ANKS1A: variants seen among roughly 807,000 people sequenced by gnomAD.
The protein encoded by ANKS1A is ankyrin repeat and SAM domain-containing protein 1A.
ANKS1A carries 55 observed loss-of-function variants against 120.3 expected under a neutral mutation model. The observed-to-expected ratio is 0.46, with a 90% CI of 0.37 to 0.57. The LOEUF (loss-of-function observed/expected upper bound fraction) is 0.57. ANKS1A is among the 20% of genes least tolerant of loss of function. ANKS1A has a pLI of 0.00. For synonymous variants in ANKS1A, 590 were observed against 604.7 expected (o/e 0.98, Z 0.36); for missense variants, 1,123 against 1,480.3 (o/e 0.76, Z 3.96).
chr6:34,983,442 C>G lies in ANKS1A; in HGVS notation c.1012+17C>G, dbSNP rs775905379. 1 of 1,595,922 alleles carries G rather than the reference C, an allele frequency of 6.3e-7. No individual in the cohort carries two copies. Among genetic ancestry groups the G allele is most frequent in the Non-Finnish European group, 8.6e-7 (1 of 1,167,754 alleles). On this transcript the variant is annotated intron_variant, in intron 7 of 23. Transcript: ENST00000360359. ...AGTCTCAGGGTAAGGTAACTCTCCC[C>G]TATGAGTAAAGGGGTGCTCAGCTTG...
intron 1 of ANKS1A, among the ~76,000 whole-genome samples, chr6:34,926,239 A>G (rs754888394): frequency 3.2e-4 from 49 of 152,128 alleles, no homozygotes; most frequent in Non-Finnish European, 5.9e-4. Context: ...AAGGATGCTC[A>G]CCTGTGAGAA....
rs1050166672 is a variant in ANKS1A, at chr6:34,983,044, A to C, written c.809-69A>C. ...GCTGCTGACAGCCTTAAATGTCCTAAAATTTGACCCTTTTGGAGGCTGGCT... is the reference window on the plus strand; with the variant it reads ...GCTGCTGACAGCCTTAAATGTCCTACAATTTGACCCTTTTGGAGGCTGGCT... On this transcript the variant is annotated intron_variant, in intron 5 of 23. Transcript: ENST00000360359. 33 of 1,488,822 alleles carry C rather than the reference A, an allele frequency of 2.2e-5. No homozygotes were observed. The Admixed American group carries it at 2.3e-4, about 10-fold the overall frequency. 92.2% of individuals were successfully genotyped at this position (1,488,822 alleles called of 1,614,324 possible). A position where few individuals can be genotyped will look rare whatever the true frequency, so the allele number is the denominator to read the frequency against.
chr6:35,042,055 G>C (rs1401861102), intron 11 of ANKS1A, among the ~76,000 whole-genome samples: 1 of 152,182 alleles, frequency 6.6e-6, no homozygotes, highest in East Asian at 1.9e-4. Flanking sequence ...ATCCCAGGAA[G>C]GGCATTTTCT....
chr6:34,946,752 C>T (rs1451276826), intron 1 of ANKS1A, among the ~76,000 whole-genome samples: 1 of 152,162 alleles, frequency 6.6e-6, no homozygotes, highest in African/African-American at 2.4e-5. Context: ...ATTGCTGTAC[C>T]TGCATATGCA....
chr6:35,067,995 C>T (rs866382540), intron 13 of ANKS1A, among the ~76,000 whole-genome samples: 4 of 149,326 alleles, frequency 2.7e-5, no homozygotes, highest in Admixed American at 6.8e-5. Context: ...CCAGTTCAAG[C>T]GATTTCTCCT....
chr6:35,074,599 C>G, intron 13 of ANKS1A, among the ~76,000 whole-genome samples: 1 of 152,204 alleles, frequency 6.6e-6, no homozygotes, highest in East Asian at 1.9e-4. Context: ...GCGGCTGCCT[C>G]TCTCTGCCTT....
At chr6:35,027,193 G>T (rs1231786271) in intron 11 of ANKS1A, among the ~76,000 whole-genome samples, 1 of 152,228 alleles carries the variant, frequency 6.6e-6, no homozygotes, top group African/African-American at 2.4e-5. Context: ...GAGGCCAACT[G>T]ATTGGGTGTT....
chr6:35,020,975 G>A (rs1385351584), intron 11 of ANKS1A, among the ~76,000 whole-genome samples: 1 of 152,204 alleles, frequency 6.6e-6, no homozygotes, highest in Non-Finnish European at 1.5e-5. Flanking sequence ...GAAGATCAAG[G>A]TTTGCTTACG....
chr6:34,902,990 A>G lies in ANKS1A; in HGVS notation c.197+13391A>G, dbSNP rs1304713811. 5.3e-5 allele frequency among the ~76,000 whole-genome samples: 8 copies of G among 152,214 alleles called. No homozygotes were observed. In the East Asian group the frequency reaches 1.2e-3, roughly 22 times the overall value. ...AGGTACCCTAGCGTCTTCTCATTCA[A>G]TTGGCAGATATTTATGAAGACCTGA... On this transcript the variant is annotated intron_variant, in intron 1 of 23. Coordinates refer to ENST00000360359, the MANE Select transcript of ANKS1A (RefSeq NM_015245.3).
intron 1 of ANKS1A, among the ~76,000 whole-genome samples, chr6:34,936,369 T>C (rs1391255613): frequency 6.6e-6 from 1 of 152,202 alleles, no homozygotes; most frequent in Admixed American, 6.5e-5. Flanking sequence ...GAGGGCCTTT[T>C]TTGCCTTTGT....
chr6:35,029,349 CTT>C (rs776256932), intron 11 of ANKS1A, among the ~76,000 whole-genome samples: 7 of 105,756 alleles, frequency 6.6e-5, no homozygotes, highest in African/African-American at 1.1e-4. Flanking sequence ...ATGACTTCTG[CTT>C]TTTTTTTTTT....
chr6:35,080,857 G>A, intron 16 of ANKS1A, 137 bp from the exon 17 acceptor site: 1 of 1,019,546 alleles, frequency 9.8e-7, no homozygotes, highest in Non-Finnish European at 1.4e-6. Flanking sequence ...ACACCCCTGT[G>A]GTGTTGGCCC....
At chr6:34,908,789 AGAG>A (rs1767763215) in intron 1 of ANKS1A, among the ~76,000 whole-genome samples, 2 of 152,166 alleles carry the variant, frequency 1.3e-5, no homozygotes, top group African/African-American at 4.8e-5. Context: ...GCCCCAGGAC[AGAG>A]TCACCGTTTT....
intron 17 of ANKS1A, among the ~76,000 whole-genome samples, chr6:35,081,898 C>T (rs1777705120): frequency 6.6e-6 from 1 of 152,192 alleles, no homozygotes; most frequent in Non-Finnish European, 1.5e-5. Context: ...AGCAGGTGTC[C>T]CTCAGGCCCC....
At chr6:34,897,695 T>C (rs1257354376) in intron 1 of ANKS1A, among the ~76,000 whole-genome samples, 2 of 152,222 alleles carry the variant, frequency 1.3e-5, no homozygotes, top group Non-Finnish European at 2.9e-5. Flanking sequence ...GAGTTAATGG[T>C]AGTAATACTG....
chr6:35,041,511 T>A (rs1401457333), intron 11 of ANKS1A, among the ~76,000 whole-genome samples: 1 of 152,192 alleles, frequency 6.6e-6, no homozygotes, highest in Non-Finnish European at 1.5e-5. Context: ...CACTCCATAA[T>A]TGCAACTTGC....
chr6:35,017,415 T>G (rs904703955), intron 10 of ANKS1A, 58 bp from the exon 11 acceptor site: 21 of 1,527,062 alleles, frequency 1.4e-5, no homozygotes, highest in African/African-American at 9.6e-5. Context: ...GCATTGGAAC[T>G]TTGTTGATTT....
At chr6:34,984,791 T>C (rs990699664) in intron 7 of ANKS1A, among the ~76,000 whole-genome samples, 1 of 152,194 alleles carries the variant, frequency 6.6e-6, no homozygotes, top group Non-Finnish European at 1.5e-5. Flanking sequence ...TAAGTTTATG[T>C]CATTATGGTA....
At chr6:34,949,993 G>A (rs935242673) in intron 1 of ANKS1A, among the ~76,000 whole-genome samples, 20 of 152,090 alleles carry the variant, frequency 1.3e-4, no homozygotes, top group African/African-American at 3.6e-4. Flanking sequence ...TAACCAGAAC[G>A]CTTTCTCTCT....
Sources: allele counts gnomAD v4.1 joint callset (sites outside exome capture counted in the v4.1 genomes callset), GRCh38; gene constraint gnomAD v4.1.1; transcripts MANE v1.5; gene names NCBI Gene and HGNC (gene_info 2026-07-23, HGNC 2026-07-21).